The following BLTP3B variants were observed in gnomAD, a reference collection of about 807,000 sequenced individuals.
The protein encoded by BLTP3B is UHRF1 (ICBP90) binding protein 1-like.
chr12:100,086,362 G>A, the BLTP3B span: 1 of 438,216 alleles, frequency 2.3e-6, no homozygotes, highest in Non-Finnish European at 4.1e-6. Flanking sequence ...TTTGACTCTG[G>A]GAAAAAAAAA....
the BLTP3B span, among the ~76,000 whole-genome samples, chr12:100,140,029 G>A: frequency 6.6e-6 from 1 of 152,114 alleles, no homozygotes; most frequent in East Asian, 1.9e-4. Context: ...ATATTCTACT[G>A]TATCCCAGAC....
chr12:100,083,205 G>A, the BLTP3B span: 2 of 1,063,202 alleles, frequency 1.9e-6, no homozygotes. Flanking sequence ...TATTATTAAG[G>A]CAGGTACCAG....
the BLTP3B span, among the ~76,000 whole-genome samples, chr12:100,062,139 T>A: frequency 6.6e-6 from 1 of 152,216 alleles, no homozygotes; most frequent in Admixed American, 6.5e-5. Context: ...CCTGCTGAAG[T>A]CTTCATCTCG....
At chr12:100,110,413 T>C in the BLTP3B span, among the ~76,000 whole-genome samples, 561 of 152,290 alleles carry the variant, frequency 3.7e-3, 3 homozygotes, top group Middle Eastern at 0.01. Context: ...CGCTTTCTCA[T>C]AGAATGCCAT....
chr12:100,074,255 A>G, the BLTP3B span, among the ~76,000 whole-genome samples: 28 of 152,120 alleles, frequency 1.8e-4, no homozygotes, highest in Non-Finnish European at 3.7e-4. Flanking sequence ...AACAACAACA[A>G]CAGCAACAAC....
chr12:100,101,023 A>G, the BLTP3B span, among the ~76,000 whole-genome samples: 266 of 152,348 alleles, frequency 1.7e-3, no homozygotes, highest in Non-Finnish European at 2.2e-3. Flanking sequence ...TAGGAAGAAC[A>G]CTATCAACTA....
At chr12:100,060,337 G>A in the BLTP3B span, among the ~76,000 whole-genome samples, 2 of 151,996 alleles carry the variant, frequency 1.3e-5, no homozygotes, top group African/African-American at 4.8e-5. Flanking sequence ...AAAACTAACT[G>A]CATAAAACAG....
chr12:100,086,348 T>A, the BLTP3B span: 1 of 731,604 alleles, frequency 1.4e-6, no homozygotes, highest in Non-Finnish European at 2.1e-6. Flanking sequence ...CAGTAATACG[T>A]CTGTTTGACT....
At chr12:100,142,820 G>C in the BLTP3B span, 1 of 755,502 alleles carries the variant, frequency 1.3e-6, no homozygotes, top group Non-Finnish European at 2.0e-6. Flanking sequence ...ATCACGCTCA[G>C]GCCGCCACGG....
the BLTP3B span, among the ~76,000 whole-genome samples, chr12:100,124,974 A>ATATATATATATATATATATT: frequency 1.0e-5 from 1 of 100,424 alleles, no homozygotes; most frequent in African/African-American, 5.6e-5. Flanking sequence ...ATATATATAT[A>ATATATATATATATATATATT]TATATTTATA....
At chr12:100,059,392 C>G in the BLTP3B span, 1 of 1,613,952 alleles carries the variant, frequency 6.2e-7, no homozygotes, top group South Asian at 1.1e-5. Context: ...TCTTTAAAGT[C>G]TTGAAACAAA....
chr12:100,137,859 C>T, the BLTP3B span, among the ~76,000 whole-genome samples: 1 of 152,108 alleles, frequency 6.6e-6, no homozygotes, highest in Admixed American at 6.5e-5. Context: ...GAGCAACAAG[C>T]CTAACTCAAA....
the BLTP3B span, among the ~76,000 whole-genome samples, chr12:100,071,556 T>A: frequency 6.6e-6 from 1 of 151,760 alleles, no homozygotes; most frequent in African/African-American, 2.4e-5. Context: ...GCAGAGAGTT[T>A]TAATATTCAA....
the BLTP3B span, among the ~76,000 whole-genome samples, chr12:100,114,571 T>C: frequency 1.3e-5 from 2 of 152,200 alleles, no homozygotes; most frequent in Non-Finnish European, 2.9e-5. Flanking sequence ...AGTATGTGTA[T>C]GCAAGCAAAT....
the BLTP3B span, chr12:100,084,359 T>G: frequency 9.0e-7 from 1 of 1,108,866 alleles, no homozygotes; most frequent in South Asian, 1.9e-5. Flanking sequence ...AAAATACTCA[T>G]TTACAGGAAA....
chr12:100,118,193 T>G, the BLTP3B span, among the ~76,000 whole-genome samples: 1 of 152,002 alleles, frequency 6.6e-6, no homozygotes, highest in Admixed American at 6.6e-5. Context: ...CTCAAAACTT[T>G]CAAGGTTGGC....
At chr12:100,079,040 T>G in the BLTP3B span, among the ~76,000 whole-genome samples, 3 of 152,250 alleles carry the variant, frequency 2.0e-5, no homozygotes, top group African/African-American at 7.2e-5. Flanking sequence ...GCCATGGTTG[T>G]GACTTCCCCA....
the BLTP3B span, among the ~76,000 whole-genome samples, chr12:100,108,024 G>A: frequency 1.8e-4 from 27 of 152,244 alleles, no homozygotes; most frequent in African/African-American, 6.0e-4. Flanking sequence ...TTACAGGTGT[G>A]AGCCACCATG....
the BLTP3B span, among the ~76,000 whole-genome samples, chr12:100,114,241 T>C: frequency 4.6e-5 from 7 of 152,332 alleles, no homozygotes; most frequent in Admixed American, 2.0e-4. Flanking sequence ...TCCTTGGTTA[T>C]AGTGATTGAT....
Sources: allele counts gnomAD v4.1 joint callset (sites outside exome capture counted in the v4.1 genomes callset), GRCh38; gene constraint gnomAD v4.1.1; transcripts MANE v1.5; gene names NCBI Gene and HGNC (gene_info 2026-07-23, HGNC 2026-07-21).